The following KCNIP4 variants were observed in gnomAD, a reference collection of about 807,000 sequenced individuals.
The protein encoded by KCNIP4 is Kv channel-interacting protein 4.
A neutral mutation model predicts 34.0 loss-of-function variants in KCNIP4; 12 were observed. The observed-to-expected ratio is 0.35, with a 90% CI of 0.23 to 0.57. The LOEUF is 0.57. KCNIP4 is among the 20% of genes least tolerant of loss of function. The probability of loss-of-function intolerance (pLI) is 0.83; values close to 1 mark genes in which losing one functional copy is unlikely to be tolerated. For synonymous variants in KCNIP4, 124 were observed against 102.2 expected, an observed-to-expected ratio of 1.21 and a Z score of -1.29; for missense variants, 238 against 311.7, an observed-to-expected ratio of 0.76 and a Z score of 1.78.
chr4:21,240,670 T>G (rs1759742398), intron 1 of KCNIP4, among the ~76,000 whole-genome samples: 1 of 152,102 alleles, frequency 6.6e-6, no homozygotes, highest in Admixed American at 6.5e-5. Context: ...CTTCCTGGCT[T>G]CCATGTAACA....
chr4:21,948,258 C>G (rs1730613254), intron 1 of KCNIP4, among the ~76,000 whole-genome samples: 3 of 152,212 alleles, frequency 2.0e-5, no homozygotes, highest in Admixed American at 2.0e-4. Flanking sequence ...CTGGCAGATG[C>G]ATAAACAACC....
At chr4:21,056,655 C>T (rs1203575039) in intron 1 of KCNIP4, among the ~76,000 whole-genome samples, 6 of 152,096 alleles carry the variant, frequency 3.9e-5, no homozygotes, top group Non-Finnish European at 7.4e-5. Context: ...TGTAACTCAC[C>T]GTAAGTGTAC....
intron 3 of KCNIP4, among the ~76,000 whole-genome samples, chr4:20,773,515 G>A (rs927358787): frequency 2.6e-5 from 4 of 152,268 alleles, no homozygotes; most frequent in Admixed American, 1.3e-4. Context: ...ACGCTTCCGA[G>A]GGCTCTCTGG....
chr4:21,666,537 A>G (rs1356186626), intron 1 of KCNIP4, among the ~76,000 whole-genome samples: 2 of 152,228 alleles, frequency 1.3e-5, no homozygotes, highest in African/African-American at 2.4e-5. Flanking sequence ...TTTGCTTAAT[A>G]TATGAAGGAG....
At chr4:21,650,508 C>G (rs1337688805) in intron 1 of KCNIP4, among the ~76,000 whole-genome samples, 1 of 152,168 alleles carries the variant, frequency 6.6e-6, no homozygotes, top group African/African-American at 2.4e-5. Context: ...GCACAGCCCA[C>G]TCTAGTACTC....
intron 3 of KCNIP4, among the ~76,000 whole-genome samples, chr4:20,768,724 T>C (rs112233122): frequency 6.6e-6 from 1 of 152,302 alleles, no homozygotes; most frequent in East Asian, 1.9e-4. Flanking sequence ...AAACTGAATA[T>C]ACTCAACATG....
chr4:21,442,732 AC>A (rs1178163313), intron 1 of KCNIP4, among the ~76,000 whole-genome samples: 3 of 152,018 alleles, frequency 2.0e-5, no homozygotes, highest in African/African-American at 7.2e-5. Context: ...CAGCTCATGT[AC>A]CCCATTCTTC....
At chr4:21,257,274 G>A (rs916562124) in intron 1 of KCNIP4, among the ~76,000 whole-genome samples, 4 of 152,106 alleles carry the variant, frequency 2.6e-5, no homozygotes, top group Non-Finnish European at 5.9e-5. Context: ...CTATACACAT[G>A]TCTGGAGCTC....
intron 1 of KCNIP4, among the ~76,000 whole-genome samples, chr4:21,581,210 C>T (rs186029364): frequency 5.1e-4 from 77 of 151,968 alleles, no homozygotes; most frequent in African/African-American, 1.8e-3. Context: ...GGTAGAGGAA[C>T]GGCATAAAAA....
At chr4:21,246,266 T>C (rs897912978) in intron 1 of KCNIP4, among the ~76,000 whole-genome samples, 14 of 152,194 alleles carry the variant, frequency 9.2e-5, no homozygotes, top group Non-Finnish European at 1.5e-5. Context: ...AGTTCTCTAC[T>C]TTAAAACCAA....
intron 1 of KCNIP4, among the ~76,000 whole-genome samples, chr4:21,220,637 T>A (rs1757924089): frequency 6.6e-6 from 1 of 152,072 alleles, no homozygotes; most frequent in East Asian, 1.9e-4. Context: ...AAACTAAACC[T>A]TTTTTGTGCT....
chr4:20,751,118 C>T (rs988595246), intron 4 of KCNIP4, among the ~76,000 whole-genome samples: 1 of 152,124 alleles, frequency 6.6e-6, no homozygotes, highest in African/African-American at 2.4e-5. Context: ...GTAGACTGTA[C>T]ACTCAATTTC....
intron 1 of KCNIP4, among the ~76,000 whole-genome samples, chr4:21,400,578 C>T (rs62295478): frequency 0.047 from 3,702 of 78,672 alleles, 105 homozygotes; most frequent in Middle Eastern, 0.11. Context: ...CTCTTCTCTT[C>T]GTTCTTTCTT....
intron 1 of KCNIP4, among the ~76,000 whole-genome samples, chr4:21,078,826 T>G (rs1429388067): frequency 6.6e-6 from 1 of 152,082 alleles, no homozygotes; most frequent in East Asian, 1.9e-4. Flanking sequence ...GTTTCTTCTC[T>G]TGTCCCTGTA....
intron 1 of KCNIP4, among the ~76,000 whole-genome samples, chr4:21,447,677 C>T (rs915855488): frequency 1.3e-5 from 2 of 152,086 alleles, no homozygotes; most frequent in African/African-American, 4.8e-5. Flanking sequence ...TAAAGTAGAA[C>T]AATCATAATA....
chr4:21,250,120 CTT>C (rs1553846387), intron 1 of KCNIP4, among the ~76,000 whole-genome samples: 5 of 143,366 alleles, frequency 3.5e-5, no homozygotes, highest in Non-Finnish European at 3.1e-5. Flanking sequence ...TCATTTCTTT[CTT>C]TTTTTTTTTC....
chr4:20,748,880 G>GTA (rs1294317259), intron 5 of KCNIP4, among the ~76,000 whole-genome samples: 2 of 97,958 alleles, frequency 2.0e-5, no homozygotes, highest in South Asian at 6.7e-4. Flanking sequence ...GTGTGTGTGT[G>GTA]TATGTGTGTG....
intron 1 of KCNIP4, among the ~76,000 whole-genome samples, chr4:21,818,990 G>A (rs1224404650): frequency 1.8e-4 from 28 of 152,120 alleles, no homozygotes; most frequent in Admixed American, 1.8e-3. Context: ...CAAAATAATG[G>A]AAAATGCCTA....
chr4:21,341,440 CAT>C (rs1038178229), intron 1 of KCNIP4, among the ~76,000 whole-genome samples: 3 of 152,224 alleles, frequency 2.0e-5, no homozygotes, highest in East Asian at 1.9e-4. Context: ...ATTGTGCAAA[CAT>C]GTGGATAAAA....
Sources: allele counts gnomAD v4.1 joint callset (sites outside exome capture counted in the v4.1 genomes callset), GRCh38; gene constraint gnomAD v4.1.1; transcripts MANE v1.5; gene names NCBI Gene and HGNC (gene_info 2026-07-23, HGNC 2026-07-21).